BTRC: variants seen among roughly 807,000 people sequenced by gnomAD.
BTRC encodes the protein beta-transducin repeat containing E3 ubiquitin protein ligase.
BTRC carries 42 observed loss-of-function variants against 85.5 expected under a neutral mutation model. The ratio of observed to expected loss-of-function variants is 0.49; its 90% CI spans 0.38 to 0.64. The LOEUF (loss-of-function observed/expected upper bound fraction) is 0.64. BTRC is among the 30% of genes least tolerant of loss of function. The pLI is 0.00. For missense variants in BTRC, 594 were observed against 743.5 expected, an observed-to-expected ratio of 0.80 and a Z score of 2.34; for synonymous variants, 255 against 263.3, an observed-to-expected ratio of 0.97 and a Z score of 0.30.
At chr10:101,459,303 T>C (rs1221016072) in intron 2 of BTRC, among the ~76,000 whole-genome samples, 1 of 152,200 alleles carries the variant, frequency 6.6e-6, no homozygotes, top group Non-Finnish European at 1.5e-5. Context: ...TGAGAACTGT[T>C]GAGGTGACTA....
chr10:101,422,800 A>G (rs1052793507), intron 1 of BTRC, among the ~76,000 whole-genome samples: 1 of 152,012 alleles, frequency 6.6e-6, no homozygotes, highest in Non-Finnish European at 1.5e-5. Flanking sequence ...ATTATTTCTG[A>G]GGGCTCTGTT....
chr10:101,487,913 C>T (rs1240721843), intron 4 of BTRC, among the ~76,000 whole-genome samples: 3 of 152,114 alleles, frequency 2.0e-5, no homozygotes, highest in Non-Finnish European at 4.4e-5. Flanking sequence ...TCTTTCCATT[C>T]TAGAGCTGGT....
intron 3 of BTRC, among the ~76,000 whole-genome samples, chr10:101,467,626 T>G (rs1945414593): frequency 1.3e-5 from 2 of 152,112 alleles, no homozygotes; most frequent in South Asian, 4.1e-4. Flanking sequence ...TGGTTGGTTG[T>G]TGTTGGTTTT....
intron 4 of BTRC, among the ~76,000 whole-genome samples, chr10:101,520,052 A>G (rs1201621004): frequency 6.6e-6 from 1 of 152,166 alleles, no homozygotes; most frequent in African/African-American, 2.4e-5. Context: ...GCCTACCACA[A>G]TAACATACTT....
At chr10:101,474,873 C>T (rs1195299002) in intron 3 of BTRC, among the ~76,000 whole-genome samples, 1 of 152,174 alleles carries the variant, frequency 6.6e-6, no homozygotes, top group Non-Finnish European at 1.5e-5. Flanking sequence ...CTTTATGTAG[C>T]TTTAAAATGT....
rs1174691950 is a variant in BTRC, at chr10:101,553,965, C to G, written c.*842C>G. The G allele has an allele frequency of 1.3e-5, 1 of 75,344 alleles. No homozygotes were observed. The highest frequency in any genetic ancestry group is 2.2e-5 in the Non-Finnish European group (1 of 44,906). 4.7% of individuals were successfully genotyped at this position (75,344 alleles called of 1,614,324 possible). A position where few individuals can be genotyped will look rare whatever the true frequency, so the allele number is the denominator to read the frequency against. ...TTTGCTGCAAGTGACCCTGTGGCAA[C>G]AGTGGATTCTCAGACATGATACTCT... On this transcript the variant is annotated 3_prime_UTR_variant, in exon 15 of 15. Transcript: ENST00000370187.
chr10:101,404,027 TATA>T (rs1253967609), intron 1 of BTRC, among the ~76,000 whole-genome samples: 804 of 36,616 alleles, frequency 0.022, 29 homozygotes, highest in Non-Finnish European at 0.032. Context: ...TATATATATA[TATA>T]TTTTTTTTTT....
Position 101,479,372 on chromosome 10 carries a change from A to T in BTRC, c.239A>T (p.Tyr80Phe). The T allele has an allele frequency of 6.2e-7, 1 of 1,612,086 alleles. No individual in the cohort carries two copies. The highest frequency in any genetic ancestry group is 8.5e-7 in the Non-Finnish European group (1 of 1,178,506). ...TCCAACAAATTCTCTTTACAGACAT[A>T]CAACAGCTGTGCCAGACTCTGCTTA... ...IPEKNSLRQTYNSCARLCLNQ... is the reference protein window; with the variant it reads ...IPEKNSLRQTFNSCARLCLNQ... The change falls in exon 4 of 15, where the codon TAC becomes TTC. Residue 80 changes from tyrosine (Y) to phenylalanine (F), a missense_variant. By Grantham distance (22) the Tyr-to-Phe change is conservative. Transcript: ENST00000370187.
chr10:101,395,144 T>A (rs1304301495), intron 1 of BTRC, among the ~76,000 whole-genome samples: 1 of 152,146 alleles, frequency 6.6e-6, no homozygotes, highest in East Asian at 1.9e-4. Flanking sequence ...CTTGGGGAGT[T>A]GAGGCCTCAC....
chr10:101,510,429 G>A (rs950490517), intron 4 of BTRC, among the ~76,000 whole-genome samples: 2 of 150,292 alleles, frequency 1.3e-5, no homozygotes, highest in African/African-American at 4.9e-5. Flanking sequence ...AGAATGGCGT[G>A]AACCCAGGAG....
Position 101,430,431 on chromosome 10 carries a change from T to A in BTRC, c.135T>A (p.Thr45=). ...PSLRCLYNPG[T]GALTAFQNSS... is the part of the protein sequence containing the mutation. ...TGCGATGCCTGTATAACCCAGGGAC[T>A]GGCGCACTCACAGCTTTCCAGGTAC... Residue 45 remains threonine (T), a synonymous_variant, in exon 2 of 15, where the codon ACT becomes ACA. Transcript: ENST00000370187. 1 of 1,614,042 alleles carries A rather than the reference T, an allele frequency of 6.2e-7. No homozygotes were observed. Among genetic ancestry groups the A allele is most frequent in the South Asian group, 1.1e-5 (1 of 91,028 alleles).
chr10:101,466,524 C>G (rs1945377575), intron 3 of BTRC, among the ~76,000 whole-genome samples: 1 of 152,204 alleles, frequency 6.6e-6, no homozygotes. Flanking sequence ...TAGATGGAGA[C>G]TTCACCTGCA....
At chr10:101,364,934 A>T (rs1426587402) in intron 1 of BTRC, 1 of 151,988 alleles carries the variant, frequency 6.6e-6, no homozygotes, top group Non-Finnish European at 1.5e-5. Context: ...CCTGCTCCAA[A>T]AATCTATTTA....
At chr10:101,354,587 C>G (rs1590189918) in intron 1 of BTRC, 1 of 311,408 alleles carries the variant, frequency 3.2e-6, no homozygotes, top group Non-Finnish European at 5.9e-6. Context: ...GCTGGCGGGG[C>G]CTTCCTGGTG....
In BTRC at chr10:101,385,618, C is replaced by CTTTTTTTTTTTTTT. The variant is rs36030307; in HGVS notation, c.48+31392_48+31405dup. 8.1e-4 allele frequency among the ~76,000 whole-genome samples: 65 copies of CTTTTTTTTTTTTTT among 79,766 alleles called. 1 individual carries two copies. Among genetic ancestry groups the CTTTTTTTTTTTTTT allele is most frequent in the Non-Finnish European group, 1.0e-3 (42 of 40,290 alleles). The allele number at this position is 79,766 out of a possible 152,430, so 52.3% of individuals were successfully genotyped here. On this transcript the variant is annotated intron_variant, in intron 1 of 14. Transcript: ENST00000370187. The stretch of plus-strand genomic sequence containing the variant: ...TCTTTGTTCTTTCTTTCTTCTTCTT[C>CTTTTTTTTTTTTTT]TTTTTTTTTTTTTTTGTGTGTTCTT...
intron 1 of BTRC, among the ~76,000 whole-genome samples, chr10:101,399,112 C>A (rs1454305184): frequency 6.6e-6 from 1 of 152,098 alleles, no homozygotes; most frequent in Non-Finnish European, 1.5e-5. Flanking sequence ...GCCACCATCC[C>A]CGGCTAATTT....
intron 2 of BTRC, among the ~76,000 whole-genome samples, chr10:101,459,305 A>AG (rs1375020877): frequency 6.6e-6 from 1 of 152,188 alleles, no homozygotes; most frequent in African/African-American, 2.4e-5. Flanking sequence ...AGAACTGTTG[A>AG]GGTGACTACT....
At chr10:101,499,734 C>A (rs902205020) in intron 4 of BTRC, among the ~76,000 whole-genome samples, 1 of 151,144 alleles carries the variant, frequency 6.6e-6, no homozygotes, top group Admixed American at 6.6e-5. Flanking sequence ...ACTATGTAGG[C>A]CTACGAGATT....
rs1428791353 is a variant in BTRC at position 101,385,207 on chromosome 10, G to A, written c.48+30979G>A. ...AGTGAGATCCTGTCTCTAAAAAAAA[G>A]AAAAAAAAAATTAGCCGGGCGTGGT... is the stretch of plus-strand genomic sequence containing the variant. On this transcript the variant is annotated intron_variant, in intron 1 of 14. Coordinates refer to ENST00000370187, the MANE Select transcript of BTRC (RefSeq NM_033637.4). Among the ~76,000 whole-genome samples, 105 of 148,362 alleles carry A rather than the reference G, an allele frequency of 7.1e-4. 1 individual carries two copies. Among genetic ancestry groups the A allele is most frequent in the Non-Finnish European group, 6.6e-4 (44 of 66,968 alleles).
Sources: allele counts gnomAD v4.1 joint callset (sites outside exome capture counted in the v4.1 genomes callset), GRCh38; gene constraint gnomAD v4.1.1; transcripts MANE v1.5; gene names NCBI Gene and HGNC (gene_info 2026-07-23, HGNC 2026-07-21).